TMEM268: variants seen among roughly 807,000 people sequenced by gnomAD.
TMEM268 encodes the protein transmembrane protein C9orf91.
A neutral mutation model predicts 39.1 loss-of-function variants in TMEM268; 24 were observed. The ratio of observed to expected loss-of-function variants is 0.61; its 90% CI spans 0.44 to 0.86. TMEM268 has a LOEUF of 0.86. TMEM268 is among the 40% of genes least tolerant of loss of function. TMEM268 has a pLI of 0.00. For missense variants in TMEM268, 409 were observed against 428.6 expected, an observed-to-expected ratio of 0.95 and a Z score of 0.40; for synonymous variants, 176 against 173.5, an observed-to-expected ratio of 1.01 and a Z score of -0.12.
the TMEM268 span, among the ~76,000 whole-genome samples, chr9:114,605,340 T>C: frequency 6.6e-6 from 1 of 151,914 alleles, no homozygotes; most frequent in African/African-American, 2.4e-5. Flanking sequence ...TTTGCTTTTT[T>C]TTCTGGTTTT....
chr9:114,638,685 C>A lies in TMEM268; in HGVS notation c.808C>A (p.Gln270Lys). ...NSCPNERPLMQTELHQLVPEA... is the reference protein window; with the variant it reads ...NSCPNERPLMKTELHQLVPEA... ...TTGTCCTAACGAGAGGCCACTCATG[C>A]AGACTGAGCTTCATCAGCTTGTTCC... The change falls in exon 8 of 9, where the codon CAG becomes AAG. Residue 270 changes from glutamine to lysine, a missense_variant. Gln to Lys is a moderately conservative substitution (Grantham distance 53, BLOSUM62 1). Transcript: ENST00000288502. The A allele has an allele frequency of 6.2e-7, 1 of 1,602,642 alleles. No individual in the cohort carries two copies.
Position 114,634,921 on chromosome 9 carries a change from A to T in TMEM268, c.585+1043A>T, listed in dbSNP as rs962160776. ...AGATTCTCGGCAGTTCAAGTGTGAC[A>T]TTGTAGACTGGGAGCTCCTGGAATG... On this transcript the variant is annotated intron_variant, in intron 6 of 8. Transcript: ENST00000288502. Among the ~76,000 whole-genome samples, 9 of 152,170 alleles carry T rather than the reference A, an allele frequency of 5.9e-5. No individual in the cohort carries two copies. The East Asian group carries it at 1.2e-3, about 20-fold the overall frequency.
chr9:114,616,695 C>T (rs1388527189), intron 1 of TMEM268, among the ~76,000 whole-genome samples: 1 of 151,360 alleles, frequency 6.6e-6, no homozygotes, highest in African/African-American at 2.4e-5. Flanking sequence ...GTGTATTTTG[C>T]AGTGTCTTAC....
At chr9:114,631,049 C>T (rs1225455327) in intron 5 of TMEM268, among the ~76,000 whole-genome samples, 2 of 152,138 alleles carry the variant, frequency 1.3e-5, no homozygotes, top group Non-Finnish European at 2.9e-5. Context: ...CATGGTGGCT[C>T]ACACTTATAA....
Position 114,611,571 on chromosome 9 carries a change from G to A in TMEM268, c.-79+7G>A. The A allele has an allele frequency of 6.2e-6, 1 of 162,374 alleles. No individual in the cohort carries two copies. The highest frequency in any genetic ancestry group is 1.3e-5 in the Non-Finnish European group (1 of 78,320). The allele number at this position is 162,374 out of a possible 1,614,324, so 10.1% of individuals were successfully genotyped here. A position where few individuals can be genotyped will look rare whatever the true frequency, so the allele number is the denominator to read the frequency against. On this transcript the variant is annotated splice_region_variant and intron_variant, in intron 1 of 8. Transcript: ENST00000288502. Reference sequence around the variant, plus strand: ...GGCGGCGGCGGCGCGGGCGGTGAGTGTGCGCGGGCCCGGGCGCGCGCCCGT... The same window carrying A: ...GGCGGCGGCGGCGCGGGCGGTGAGTATGCGCGGGCCCGGGCGCGCGCCCGT...
intron 5 of TMEM268, among the ~76,000 whole-genome samples, chr9:114,630,531 A>G (rs75578515): frequency 0.01 from 1,552 of 152,320 alleles, 27 homozygotes; most frequent in African/African-American, 0.035. Context: ...CAACAACCTT[A>G]TAAGGAGGCA....
At chr9:114,640,867 G>GTC (rs909740595) in intron 8 of TMEM268, among the ~76,000 whole-genome samples, 3 of 151,522 alleles carry the variant, frequency 2.0e-5, no homozygotes, top group Non-Finnish European at 4.4e-5. Flanking sequence ...CTGTCTATTA[G>GTC]TCTCTCTCTC....
chr9:114,607,292 C>T (rs1323729245), upstream of TMEM268, among the ~76,000 whole-genome samples: 3 of 152,168 alleles, frequency 2.0e-5, no homozygotes, highest in African/African-American at 7.2e-5. Context: ...AAAAGGCTTA[C>T]TCTCTTTTTG....
intron 7 of TMEM268, among the ~76,000 whole-genome samples, chr9:114,637,557 G>A (rs1029542583): frequency 6.6e-6 from 1 of 152,108 alleles, no homozygotes; most frequent in Non-Finnish European, 1.5e-5. Context: ...GCCTCCCAAA[G>A]TGCTGGGATT....
At chr9:114,610,948 G>C (rs1351660847), upstream of TMEM268, among the ~76,000 whole-genome samples, 1 of 152,188 alleles carries the variant, frequency 6.6e-6, no homozygotes, top group African/African-American at 2.4e-5. Flanking sequence ...CCGGCCAGGT[G>C]CGGTGGCTCA....
In TMEM268 at chr9:114,645,830, G is replaced by A. The variant is rs763028289; in HGVS notation, c.*2517G>A. ...GGTATGCCCACAATGTACATTTCTCGGCATCTGTGCCTCAGTTTCCTCATT... is the reference window on the plus strand; with the variant it reads ...GGTATGCCCACAATGTACATTTCTCAGCATCTGTGCCTCAGTTTCCTCATT... On this transcript the variant is annotated 3_prime_UTR_variant, in exon 9 of 9. Transcript: ENST00000288502. 6.6e-6 allele frequency: 1 copy of A among 152,048 alleles called. No individual in the cohort carries two copies. The highest frequency in any genetic ancestry group is 1.5e-5 in the Non-Finnish European group (1 of 68,014). 9.4% of individuals were successfully genotyped at this position (152,048 alleles called of 1,614,324 possible).
chr9:114,628,288 A>T (rs756013892), intron 5 of TMEM268, 38 bp downstream of exon 5: 13 of 1,607,294 alleles, frequency 8.1e-6, no homozygotes, highest in Non-Finnish European at 1.0e-5. Flanking sequence ...CTCTCTCCAG[A>T]AGAGCGGTGC....
chr9:114,633,028 C>G (rs1332288815), intron 5 of TMEM268, among the ~76,000 whole-genome samples: 2 of 152,178 alleles, frequency 1.3e-5, no homozygotes, highest in Non-Finnish European at 2.9e-5. Flanking sequence ...TAGAGTCTCA[C>G]TCTGTCACCT....
intron 8 of TMEM268, among the ~76,000 whole-genome samples, chr9:114,640,027 G>T (rs1368046335): frequency 6.6e-6 from 1 of 150,692 alleles, no homozygotes. Flanking sequence ...TAGGATCACA[G>T]GTGTGAGCAC....
intron 2 of TMEM268, among the ~76,000 whole-genome samples, chr9:114,623,071 CAGAG>C (rs1242692002): frequency 3.3e-5 from 5 of 152,154 alleles, no homozygotes; most frequent in Non-Finnish European, 5.9e-5. Flanking sequence ...GCCTGAGTGA[CAGAG>C]AGAGACTCTG....
At chr9:114,615,655 T>C (rs1845674642) in intron 1 of TMEM268, 1 of 152,158 alleles carries the variant, frequency 6.6e-6, no homozygotes, top group African/African-American at 2.4e-5. Context: ...GGGAGCCTGA[T>C]TGCTTGAATA....
In TMEM268 at chr9:114,624,333, T is replaced by G. The variant is rs1410255824; in HGVS notation, c.107-17T>G. On this transcript the variant is annotated splice_polypyrimidine_tract_variant and intron_variant, in intron 2 of 8. Transcript: ENST00000288502. ...TGGTTATCACTCAGCCAGATGAAGC[T>G]TCTGGTCTGCTTCCAGAGCTCCACA... 1 of 1,582,552 alleles carries G rather than the reference T, an allele frequency of 6.3e-7. No individual in the cohort carries two copies. The highest frequency in any genetic ancestry group is 8.6e-7 in the Non-Finnish European group (1 of 1,162,422).
At chr9:114,623,455 A>G (rs566726916) in intron 2 of TMEM268, among the ~76,000 whole-genome samples, 1 of 152,214 alleles carries the variant, frequency 6.6e-6, no homozygotes, top group South Asian at 2.1e-4. Flanking sequence ...TGGATTTGTT[A>G]TTTCATAGTT....
At position 114,643,477 on chromosome 9, in the gene TMEM268, G is replaced by A. The variant is rs1827445335; in HGVS notation, c.*164G>A. Reference sequence around the variant, plus strand: ...ACTGGGGTGTTGTGCTCACTTCAGGGCCCAGCACAAAAATCCTTGTTTGAC... The same window carrying A: ...ACTGGGGTGTTGTGCTCACTTCAGGACCCAGCACAAAAATCCTTGTTTGAC... On this transcript the variant is annotated 3_prime_UTR_variant, in exon 9 of 9. Transcript: ENST00000288502. The A allele has an allele frequency of 1.6e-6, 1 of 623,336 alleles. No homozygotes were observed. Among genetic ancestry groups the A allele is most frequent in the Non-Finnish European group, 2.8e-6 (1 of 358,390 alleles). The allele number at this position is 623,336 out of a possible 1,614,324, so 38.6% of individuals were successfully genotyped here.
Sources: allele counts gnomAD v4.1 joint callset (sites outside exome capture counted in the v4.1 genomes callset), GRCh38; gene constraint gnomAD v4.1.1; transcripts MANE v1.5; gene names NCBI Gene and HGNC (gene_info 2026-07-23, HGNC 2026-07-21).